Variants in ARHGAP22 observed in about 807,000 individuals in gnomAD.
The protein encoded by ARHGAP22 is rho GTPase-activating protein 22.
ARHGAP22 carries 48 observed loss-of-function variants against 59.1 expected under a neutral mutation model. That is an observed-to-expected ratio of 0.81 (90% confidence interval 0.64 to 1.03). ARHGAP22 has a LOEUF of 1.03. Among genes scored for constraint, ARHGAP22 ranks in the 50% least tolerant of loss-of-function variants. The pLI is 0.00. For synonymous variants in ARHGAP22, 445 were observed against 416.4 expected, an observed-to-expected ratio of 1.07 and a Z score of -0.84; for missense variants, 1,015 against 958.7, an observed-to-expected ratio of 1.06 and a Z score of -0.78.
chr10:48,499,157 G>A (rs530715255), intron 3 of ARHGAP22, among the ~76,000 whole-genome samples: 5 of 152,320 alleles, frequency 3.3e-5, no homozygotes, highest in African/African-American at 7.2e-5. Flanking sequence ...TCACCAGCCC[G>A]GGGGGCTGCC....
At chr10:48,483,636 A>G (rs2049560278) in intron 3 of ARHGAP22, among the ~76,000 whole-genome samples, 2 of 151,828 alleles carry the variant, frequency 1.3e-5, no homozygotes, top group Non-Finnish European at 2.9e-5. Context: ...TGTGGTTTTG[A>G]CTTGCATTTC....
chr10:48,484,741 A>G (rs2049687444), intron 3 of ARHGAP22, among the ~76,000 whole-genome samples: 1 of 152,224 alleles, frequency 6.6e-6, no homozygotes, highest in African/African-American at 2.4e-5. Context: ...TATTGAATGA[A>G]TTGGCATAAA....
chr10:48,651,148 T>C (rs1208855729), intron 1 of ARHGAP22, among the ~76,000 whole-genome samples: 18 of 152,148 alleles, frequency 1.2e-4, no homozygotes, highest in Admixed American at 7.9e-4. Flanking sequence ...CAAGACCAAT[T>C]AAACCTGCAT....
intron 1 of ARHGAP22, among the ~76,000 whole-genome samples, chr10:48,634,755 C>T (rs1028700108): frequency 1.2e-4 from 19 of 152,144 alleles, no homozygotes; most frequent in Admixed American, 2.6e-4. Context: ...TAACCCCCAC[C>T]GCCCCATACA....
intron 2 of ARHGAP22, among the ~76,000 whole-genome samples, chr10:48,561,697 T>C (rs1297351724): frequency 1.3e-5 from 2 of 152,312 alleles, no homozygotes; most frequent in South Asian, 2.1e-4. Flanking sequence ...ATAATTACTA[T>C]AGAAGATATA....
intron 2 of ARHGAP22, among the ~76,000 whole-genome samples, chr10:48,575,924 T>G (rs1256543835): frequency 6.6e-6 from 1 of 152,190 alleles, no homozygotes; most frequent in Non-Finnish European, 1.5e-5. Flanking sequence ...TCCAGCCTGG[T>G]CCTGGTCAGC....
downstream of ARHGAP22, among the ~76,000 whole-genome samples, chr10:48,443,525 C>A (rs188947655): frequency 3.5e-3 from 526 of 151,930 alleles, 4 homozygotes; most frequent in African/African-American, 0.011. Context: ...GATGGCAATC[C>A]TGGTGCAAGT....
intron 1 of ARHGAP22, chr10:48,625,195 G>A (rs1201990434): frequency 6.6e-6 from 1 of 152,174 alleles, no homozygotes; most frequent in Non-Finnish European, 1.5e-5. Flanking sequence ...GGTCATAGAG[G>A]AAGTCCCAGA....
chr10:48,553,655 T>A (rs770918200), intron 3 of ARHGAP22, among the ~76,000 whole-genome samples: 2 of 152,182 alleles, frequency 1.3e-5, no homozygotes, highest in Non-Finnish European at 2.9e-5. Context: ...TCCTCAAAGA[T>A]GTCCATCTTC....
Position 48,451,125 on chromosome 10 carries a change from T to A in ARHGAP22, c.1004A>T (p.Gln335Leu). 6.4e-7 allele frequency: 1 copy of A among 1,552,476 alleles called. No individual in the cohort carries two copies. Among genetic ancestry groups the A allele is most frequent in the Non-Finnish European group, 8.7e-7 (1 of 1,147,918 alleles). The change falls in exon 9 of 10, where the codon CAG becomes CTG. Residue 335 changes from glutamine (Q) to leucine (L), a missense_variant. Coordinates refer to ENST00000249601, the MANE Select transcript of ARHGAP22 (RefSeq NM_021226.4). ...VTIMEGTSLV[Q>L]HLMTVLIRKH... ...GCGGATGAGGACGGTCATCAGGTGC[T>A]GGACGAGGGAAGTGCCTGCCGGGAA...
intron 4 of ARHGAP22, among the ~76,000 whole-genome samples, chr10:48,474,613 C>CACTTCTATTTA (rs150656940): frequency 6.6e-6 from 1 of 151,488 alleles, no homozygotes; most frequent in East Asian, 2.0e-4. Flanking sequence ...CCTTCTATTC[C>CACTTCTATTTA]TAGGGATAGA....
At chr10:48,553,710 G>T (rs1273939691) in intron 3 of ARHGAP22, among the ~76,000 whole-genome samples, 1 of 152,134 alleles carries the variant, frequency 6.6e-6, no homozygotes, top group Non-Finnish European at 1.5e-5. Context: ...ATGGCAAAGG[G>T]TCTTCTCCTA....
intron 3 of ARHGAP22, among the ~76,000 whole-genome samples, chr10:48,496,330 TA>T (rs1309466383): frequency 6.6e-6 from 1 of 152,044 alleles, no homozygotes; most frequent in Non-Finnish European, 1.5e-5. Flanking sequence ...ATGGGGACGG[TA>T]ATAACATTAA....
chr10:48,474,170 T>C (rs559352803), intron 4 of ARHGAP22, among the ~76,000 whole-genome samples: 67 of 152,354 alleles, frequency 4.4e-4, no homozygotes, highest in Non-Finnish European at 7.5e-4. Flanking sequence ...TTATACTTTT[T>C]TTTGCTAAAT....
chr10:48,499,601 C>G (rs578050070), intron 3 of ARHGAP22, among the ~76,000 whole-genome samples: 2 of 152,296 alleles, frequency 1.3e-5, no homozygotes, highest in East Asian at 3.9e-4. Context: ...TGGAAGGGTT[C>G]ACCAACCAGA....
upstream of ARHGAP22, among the ~76,000 whole-genome samples, chr10:48,605,892 G>C (rs2060652613): frequency 1.3e-5 from 2 of 152,178 alleles, no homozygotes. Context: ...AGCAGGGCGG[G>C]CACCAGAACC....
chr10:48,577,801 G>GTTTTTTTTTTTTGTTTTTTTTTTT (rs2058828555), intron 2 of ARHGAP22, among the ~76,000 whole-genome samples: 1 of 59,142 alleles, frequency 1.7e-5, no homozygotes, highest in African/African-American at 6.6e-5. Context: ...CTCTTTTTTG[G>GTTTTTTTTTTTTGTTTTTTTTTTT]TTTTTTTTTT....
intron 1 of ARHGAP22, among the ~76,000 whole-genome samples, chr10:48,595,541 T>C (rs2060017450): frequency 6.6e-6 from 1 of 152,190 alleles, no homozygotes; most frequent in South Asian, 2.1e-4. Flanking sequence ...TATTTTTTTT[T>C]GAGATAGAGT....
intron 4 of ARHGAP22, among the ~76,000 whole-genome samples, chr10:48,460,714 G>A (rs1035695432): frequency 4.0e-5 from 5 of 125,558 alleles, no homozygotes; most frequent in Middle Eastern, 3.9e-3. Context: ...GCTGAAATGC[G>A]GAAGCAAGCC....
Sources: gnomAD v4.1 joint callset for allele counts (sites outside exome capture counted in the v4.1 genomes callset) on GRCh38, gnomAD v4.1.1 for gene constraint, MANE v1.5 for transcripts, NCBI Gene and HGNC (gene_info 2026-07-23, HGNC 2026-07-21) for gene names.